The following ZBTB20 variants were observed in gnomAD, a reference collection of about 807,000 sequenced individuals.
ZBTB20 encodes zinc finger and BTB domain containing 20.
In ZBTB20, 9 loss-of-function variants were observed where a neutral mutation model predicts 56.9. The ratio of observed to expected loss-of-function variants is 0.16; its 90% CI spans 0.10 to 0.28. ZBTB20 has a LOEUF of 0.28. ZBTB20 is among the 10% of genes least tolerant of loss of function. ZBTB20 has a pLI of 1.00. For missense variants in ZBTB20, 655 were observed against 1,003.0 expected (o/e 0.65, Z 4.69); for synonymous variants, 417 against 420.7 (o/e 0.99, Z 0.11).
At chr3:115,080,526 G>T (rs1429585251) in intron 1 of ZBTB20, among the ~76,000 whole-genome samples, 6 of 152,284 alleles carry the variant, frequency 3.9e-5, no homozygotes, top group South Asian at 2.1e-4. Flanking sequence ...GTATAGTAAG[G>T]CTGTAAGAAA....
chr3:114,830,288 A>C (rs1016655505), intron 4 of ZBTB20, among the ~76,000 whole-genome samples: 5 of 151,974 alleles, frequency 3.3e-5, no homozygotes, highest in African/African-American at 7.2e-5. Flanking sequence ...AAAAGGATTC[A>C]CCACAGGATG....
intron 4 of ZBTB20, among the ~76,000 whole-genome samples, chr3:114,849,319 T>G (rs1171674872): frequency 6.6e-6 from 1 of 152,220 alleles, no homozygotes; most frequent in Admixed American, 6.5e-5. Context: ...AAGGCAATCT[T>G]TGATACTTTA....
chr3:114,591,735 C>T (rs779494460), intron 6 of ZBTB20, among the ~76,000 whole-genome samples: 6 of 152,140 alleles, frequency 3.9e-5, no homozygotes, highest in African/African-American at 9.7e-5. Context: ...TATTTAACAA[C>T]GTTTTGTTTA....
At chr3:114,783,260 A>C (rs980128320) in intron 5 of ZBTB20, among the ~76,000 whole-genome samples, 26 of 152,224 alleles carry the variant, frequency 1.7e-4, no homozygotes, top group Admixed American at 2.0e-4. Context: ...TGGCAGAACT[A>C]TATTTGGATA....
At chr3:114,815,656 CATT>C (rs905538953) in intron 4 of ZBTB20, among the ~76,000 whole-genome samples, 3 of 152,124 alleles carry the variant, frequency 2.0e-5, no homozygotes, top group Non-Finnish European at 2.9e-5. Context: ...TGATACTACT[CATT>C]GTTATTGCTT....
At chr3:114,500,436 A>T (rs2043817216) in intron 6 of ZBTB20, 45 bp from the exon 7 acceptor site, 1 of 152,224 alleles carries the variant, frequency 6.6e-6, no homozygotes, top group Admixed American at 6.5e-5. Context: ...AAACCGATAT[A>T]TGATGCAAAA....
rs2068650490 is a variant in ZBTB20, at chr3:114,764,490, C to T, written c.-343+36611G>A. 2.0e-5 allele frequency among the ~76,000 whole-genome samples: 3 copies of T among 152,176 alleles called. No individual in the cohort carries two copies. In the South Asian group the frequency reaches 6.2e-4, roughly 32 times the overall value. ...GCAGGCCCCGCATCCTGCTTAGAAC[C>T]ACCTGCTGAGAACTGGATGTGCACA... is the stretch of plus-strand genomic sequence containing the variant. On this transcript the variant is annotated intron_variant, in intron 5 of 11. Transcript: ENST00000675478.
rs1255592280 is a variant in ZBTB20 at position 114,351,502 on chromosome 3, G to A, written c.576C>T (p.Ile192=). The part of the protein sequence containing the change: ...IKTVIDECTR[I]VSQNVGDVFP... Reference sequence around the variant, plus strand: ...ACACATCGCCCACGTTCTGTGACACGATGCGCGTGCACTCGTCGATGACTG... The same window carrying A: ...ACACATCGCCCACGTTCTGTGACACAATGCGCGTGCACTCGTCGATGACTG... The change falls in exon 11 of 12, where the codon ATC becomes ATT. Residue 192 remains isoleucine, a synonymous_variant. Coordinates refer to ENST00000675478, the MANE Select transcript of ZBTB20 (RefSeq NM_001348800.3). 1 of 1,613,986 alleles carries A rather than the reference G, an allele frequency of 6.2e-7. No individual in the cohort carries two copies. The highest frequency in any genetic ancestry group is 8.5e-7 in the Non-Finnish European group (1 of 1,180,026).
chr3:114,801,666 C>G (rs2071732462), intron 4 of ZBTB20, among the ~76,000 whole-genome samples: 1 of 151,796 alleles, frequency 6.6e-6, no homozygotes, highest in South Asian at 2.1e-4. Flanking sequence ...TTTCCAGTGA[C>G]TGAATTGCTG....
At chr3:114,485,426 T>A (rs921761346) in intron 7 of ZBTB20, among the ~76,000 whole-genome samples, 1 of 152,198 alleles carries the variant, frequency 6.6e-6, no homozygotes, top group African/African-American at 2.4e-5. Flanking sequence ...CAAATCTGCA[T>A]CCATATTGGG....
chr3:114,844,383 T>C (rs1457684757), intron 4 of ZBTB20, among the ~76,000 whole-genome samples: 1 of 115,392 alleles, frequency 8.7e-6, no homozygotes, highest in Non-Finnish European at 1.7e-5. Context: ...TAGCTGAGAG[T>C]GGTGGTGCAT....
At chr3:114,627,469 C>T (rs1173591649) in intron 6 of ZBTB20, among the ~76,000 whole-genome samples, 1 of 152,140 alleles carries the variant, frequency 6.6e-6, no homozygotes, top group Non-Finnish European at 1.5e-5. Context: ...ACATCTTAAG[C>T]CTACTTCTGA....
intron 3 of ZBTB20, among the ~76,000 whole-genome samples, chr3:114,915,530 C>G (rs961261232): frequency 6.6e-6 from 1 of 151,366 alleles, no homozygotes; most frequent in Non-Finnish European, 1.5e-5. Flanking sequence ...TTCAAAAAAC[C>G]AACTTTTCAT....
chr3:115,126,149 A>C (rs2084327002), intron 1 of ZBTB20, among the ~76,000 whole-genome samples: 1 of 152,196 alleles, frequency 6.6e-6, no homozygotes, highest in African/African-American at 2.4e-5. Context: ...CATCAAGACT[A>C]CTGTAAGGTA....
Position 114,348,074 on chromosome 3 carries a change from G to A in ZBTB20, c.1804+2200C>T, listed in dbSNP as rs114823740. Among the ~76,000 whole-genome samples the A allele has an allele frequency of 4.1e-3, 631 of 152,254 alleles. 2 individuals are homozygous for A. Among genetic ancestry groups the A allele is most frequent in the Non-Finnish European group, 6.6e-3 (448 of 68,020 alleles). On this transcript the variant is annotated intron_variant, in intron 11 of 11. Coordinates refer to ENST00000675478, the MANE Select transcript of ZBTB20 (RefSeq NM_001348800.3). ...TTGGAGAAATGTATTTATACATCAC[G>A]AAGATACTTTTTGGTAGTACATTGA...
intron 7 of ZBTB20, among the ~76,000 whole-genome samples, chr3:114,433,356 C>A (rs1287870638): frequency 1.3e-5 from 2 of 152,124 alleles, no homozygotes; most frequent in Non-Finnish European, 2.9e-5. Flanking sequence ...CTACTTTATT[C>A]TATACTTTTA....
At position 114,674,586 on chromosome 3, in the gene ZBTB20, AC is replaced by A. The variant is rs5851931; in HGVS notation, c.-295+18941del. Among the ~76,000 whole-genome samples, 1,174 of 152,302 alleles carry A rather than the reference AC, an allele frequency of 7.7e-3. 96 individuals are homozygous for A. In the East Asian group the frequency reaches 0.18, roughly 24 times the overall value. The stretch of plus-strand genomic sequence containing the variant: ...CACATGTAAACTACAATGAAGGAGT[AC>A]TAGAAAATAAAGTCAATTGGTATAA... On this transcript the variant is annotated intron_variant, in intron 6 of 11. Coordinates refer to ENST00000675478, the MANE Select transcript of ZBTB20 (RefSeq NM_001348800.3).
intron 5 of ZBTB20, among the ~76,000 whole-genome samples, chr3:114,721,197 C>T (rs1301396934): frequency 1.3e-5 from 2 of 152,008 alleles, no homozygotes; most frequent in African/African-American, 4.8e-5. Flanking sequence ...TCTGTGAACA[C>T]AAGAGGTCTA....
At chr3:114,851,159 T>C (rs4682551) in intron 4 of ZBTB20, among the ~76,000 whole-genome samples, 114,473 of 152,102 alleles carry the variant, frequency 0.75, 47,440 homozygotes, top group East Asian at 0.99. Flanking sequence ...TGAGACAAGA[T>C]ATCTACTCAT....
Sources: gnomAD v4.1 joint callset for allele counts (sites outside exome capture counted in the v4.1 genomes callset) on GRCh38, gnomAD v4.1.1 for gene constraint, MANE v1.5 for transcripts, NCBI Gene and HGNC (gene_info 2026-07-23, HGNC 2026-07-21) for gene names.